DLG2: variants seen among roughly 807,000 people sequenced by gnomAD.
DLG2 encodes the protein discs large MAGUK scaffold protein 2, also known as disks large homolog 2.
In DLG2, 45 loss-of-function variants were observed where a neutral mutation model predicts 132.5. The ratio of observed to expected loss-of-function variants is 0.34; its 90% CI spans 0.27 to 0.44. The LOEUF is 0.44. DLG2 is among the 20% of genes least tolerant of loss of function. The probability of loss-of-function intolerance (pLI) is 1.00; values close to 1 mark genes in which losing one functional copy is unlikely to be tolerated. For missense variants in DLG2, 1,045 were observed against 1,196.9 expected (o/e 0.87, Z 1.87); for synonymous variants, 424 against 419.6 (o/e 1.01, Z -0.13).
At chr11:84,929,913 C>A (rs541432903) in intron 6 of DLG2, among the ~76,000 whole-genome samples, 1 of 151,954 alleles carries the variant, frequency 6.6e-6, no homozygotes, top group African/African-American at 2.4e-5. Flanking sequence ...TTTTAAATTC[C>A]TTACCACAAT....
intron 6 of DLG2, among the ~76,000 whole-genome samples, chr11:84,713,885 C>G (rs971034768): frequency 2.6e-5 from 4 of 151,780 alleles, no homozygotes; most frequent in Non-Finnish European, 5.9e-5. Flanking sequence ...GGGAAAAAAG[C>G]CAAAATATCA....
chr11:85,016,546 C>T (rs2059592788), intron 6 of DLG2, among the ~76,000 whole-genome samples: 1 of 152,074 alleles, frequency 6.6e-6, no homozygotes, highest in Admixed American at 6.6e-5. Flanking sequence ...AAATCCAAAT[C>T]CCAGATAAAT....
intron 6 of DLG2, among the ~76,000 whole-genome samples, chr11:84,762,696 T>C (rs2067803712): frequency 6.6e-6 from 1 of 152,206 alleles, no homozygotes; most frequent in Non-Finnish European, 1.5e-5. Context: ...TAGTCATTCA[T>C]GTATTCATTT....
At chr11:85,597,723 C>A (rs1013660660) in intron 3 of DLG2, among the ~76,000 whole-genome samples, 4 of 151,312 alleles carry the variant, frequency 2.6e-5, no homozygotes. Context: ...CATAATTAAG[C>A]CTTATAAGTT....
intron 14 of DLG2, among the ~76,000 whole-genome samples, chr11:83,936,693 A>T (rs1467917878): frequency 6.6e-6 from 1 of 152,190 alleles, no homozygotes; most frequent in Non-Finnish European, 1.5e-5. Flanking sequence ...AAGATGCTTT[A>T]TTTCCTTAAA....
At chr11:85,236,298 G>A (rs1199839319) in intron 4 of DLG2, among the ~76,000 whole-genome samples, 1 of 151,928 alleles carries the variant, frequency 6.6e-6, no homozygotes, top group Admixed American at 6.6e-5. Flanking sequence ...TCACAGACTG[G>A]GTAGCTTAAA....
At position 85,525,359 on chromosome 11, in the gene DLG2, G is replaced by A. The variant is rs538947429; in HGVS notation, c.40+73298C>T. Among the ~76,000 whole-genome samples, 4 of 152,234 alleles carry A rather than the reference G, an allele frequency of 2.6e-5. No individual in the cohort carries two copies. The East Asian group carries it at 7.7e-4, about 29-fold the overall frequency. ...TTAAAACCTTTCCCAGTGAGGTCAG[G>A]AATGAAACTAAGGTTTTCATTATCA... is the stretch of plus-strand genomic sequence containing the variant. On this transcript the variant is annotated intron_variant, in intron 3 of 27. Transcript: ENST00000376104.
chr11:84,474,630 T>G (rs1353571397), intron 7 of DLG2, among the ~76,000 whole-genome samples: 1 of 152,054 alleles, frequency 6.6e-6, no homozygotes, highest in African/African-American at 2.4e-5. Context: ...TTGTCCAAAT[T>G]AACACAGCCA....
At chr11:84,906,413 CAG>C (rs528459048) in intron 6 of DLG2, among the ~76,000 whole-genome samples, 46 of 149,716 alleles carry the variant, frequency 3.1e-4, no homozygotes, top group South Asian at 6.3e-4. Flanking sequence ...CACACACACA[CAG>C]AGAGCCAAGG....
intron 14 of DLG2, among the ~76,000 whole-genome samples, chr11:83,940,290 T>C (rs2082351171): frequency 6.6e-6 from 1 of 152,238 alleles, no homozygotes; most frequent in Non-Finnish European, 1.5e-5. Context: ...TTGTAGATTT[T>C]TCTCTCTTCT....
chr11:83,783,781 T>A (rs2094930452), intron 18 of DLG2, among the ~76,000 whole-genome samples: 2 of 152,182 alleles, frequency 1.3e-5, no homozygotes, highest in Non-Finnish European at 2.9e-5. Flanking sequence ...TGGCTCCATT[T>A]CCACATTTCC....
At chr11:85,055,186 T>C (rs537161545) in intron 6 of DLG2, among the ~76,000 whole-genome samples, 1 of 152,210 alleles carries the variant, frequency 6.6e-6, no homozygotes, top group South Asian at 2.1e-4. Context: ...AATTTCTGCA[T>C]TATAACTTTT....
chr11:84,170,204 C>G (rs946897129), intron 8 of DLG2, among the ~76,000 whole-genome samples: 7 of 152,194 alleles, frequency 4.6e-5, no homozygotes, highest in African/African-American at 1.7e-4. Flanking sequence ...TGGGCAGCCC[C>G]TAACAACAGC....
At chr11:84,046,779 A>G (rs561025897) in intron 11 of DLG2, among the ~76,000 whole-genome samples, 1 of 151,758 alleles carries the variant, frequency 6.6e-6, no homozygotes, top group African/African-American at 2.4e-5. Flanking sequence ...TTAAAAATGC[A>G]TAAGCTGGTG....
At chr11:85,395,446 C>T (rs1038999564) in intron 3 of DLG2, among the ~76,000 whole-genome samples, 4 of 152,006 alleles carry the variant, frequency 2.6e-5, no homozygotes, top group South Asian at 2.1e-4. Context: ...TGAAGCAGGG[C>T]GGGGTGTTGC....
At chr11:83,707,896 C>T (rs1043739338) in intron 18 of DLG2, among the ~76,000 whole-genome samples, 3 of 152,178 alleles carry the variant, frequency 2.0e-5, no homozygotes, top group Non-Finnish European at 4.4e-5. Flanking sequence ...GGGTTAAAAA[C>T]GTGCAGCTTC....
chr11:84,536,554 A>G (rs550117702), intron 6 of DLG2, among the ~76,000 whole-genome samples: 1 of 152,320 alleles, frequency 6.6e-6, no homozygotes, highest in East Asian at 1.9e-4. Context: ...CAAATTTAAC[A>G]TTCACTTTTG....
intron 17 of DLG2, chr11:83,790,840 TAGA>T (rs752860983): frequency 2.8e-4 from 209 of 750,086 alleles, no homozygotes; most frequent in African/African-American, 4.8e-4. Context: ...ACTTCCATGG[TAGA>T]AGAACTGTCC....
intron 3 of DLG2, among the ~76,000 whole-genome samples, chr11:85,439,992 T>C (rs2091696204): frequency 6.6e-6 from 1 of 152,202 alleles, no homozygotes; most frequent in African/African-American, 2.4e-5. Context: ...GAAATCAGAC[T>C]GTCTGGATTT....
Sources: gnomAD v4.1 joint callset for allele counts (sites outside exome capture counted in the v4.1 genomes callset) on GRCh38, gnomAD v4.1.1 for gene constraint, MANE v1.5 for transcripts, NCBI Gene and HGNC (gene_info 2026-07-23, HGNC 2026-07-21) for gene names.